Variants in MEGF10 observed in about 807,000 individuals in gnomAD.
MEGF10 encodes multiple epidermal growth factor-like domains protein 10.
In MEGF10, 86 loss-of-function variants were observed where a neutral mutation model predicts 147.5. The ratio of observed to expected loss-of-function variants is 0.58; its 90% confidence interval spans 0.49 to 0.70. The LOEUF (loss-of-function observed/expected upper bound fraction) is 0.70. Among genes scored for constraint, MEGF10 ranks in the 30% least tolerant of loss-of-function variants. MEGF10 has a pLI of 0.00. For synonymous variants in MEGF10, 478 were observed against 525.5 expected (o/e 0.91, Z 1.24); for missense variants, 1,329 against 1,487.3 (o/e 0.89, Z 1.75).
intron 4 of MEGF10, among the ~76,000 whole-genome samples, chr5:127,350,982 T>G (rs1762065050): frequency 6.7e-6 from 1 of 148,660 alleles, no homozygotes; most frequent in South Asian, 2.1e-4. Context: ...GAATGATGGT[T>G]ACCAGAGGAT....
chr5:127,281,073 A>T, the MEGF10 span, among the ~76,000 whole-genome samples: 1 of 152,138 alleles, frequency 6.6e-6, no homozygotes, highest in Non-Finnish European at 1.5e-5. Context: ...CCAGGGCTGA[A>T]GGCATTGACG....
chr5:127,391,087 T>TGCGCGCGCGCGCGCGC (rs139002719), intron 5 of MEGF10, among the ~76,000 whole-genome samples: 16 of 131,898 alleles, frequency 1.2e-4, no homozygotes, highest in Admixed American at 9.0e-4. Context: ...CATACACACA[T>TGCGCGCGCGCGCGCGC]GCGCGCGCGC....
At chr5:127,430,944 C>G (rs143181742) in intron 13 of MEGF10, among the ~76,000 whole-genome samples, 1 of 152,242 alleles carries the variant, frequency 6.6e-6, no homozygotes, top group East Asian at 1.9e-4. Context: ...CTTTGCAATT[C>G]TAAACTAAAA....
chr5:127,385,193 T>C (rs1763385073), intron 5 of MEGF10, among the ~76,000 whole-genome samples: 1 of 152,236 alleles, frequency 6.6e-6, no homozygotes, highest in African/African-American at 2.4e-5. Flanking sequence ...GTCATGGATT[T>C]TCCTATGTTT....
intron 1 of MEGF10, among the ~76,000 whole-genome samples, chr5:127,325,909 A>ATAT (rs1422376660): frequency 9.5e-5 from 10 of 105,050 alleles, no homozygotes; most frequent in African/African-American, 3.0e-4. Context: ...ATATATATAT[A>ATAT]TTTTTTTTTT....
intron 1 of MEGF10, among the ~76,000 whole-genome samples, chr5:127,296,290 A>G (rs1450141154): frequency 6.6e-6 from 1 of 152,218 alleles, no homozygotes; most frequent in Non-Finnish European, 1.5e-5. Flanking sequence ...TGTGAATGTG[A>G]TAATACATCC....
chr5:127,392,016 G>A (rs1763717847), intron 5 of MEGF10, among the ~76,000 whole-genome samples: 1 of 152,032 alleles, frequency 6.6e-6, no homozygotes, highest in South Asian at 2.1e-4. Flanking sequence ...GTAAAATAAA[G>A]AAAAATTATC....
At chr5:127,338,680 G>A (rs959101208) in intron 2 of MEGF10, among the ~76,000 whole-genome samples, 4 of 152,054 alleles carry the variant, frequency 2.6e-5, no homozygotes, top group Admixed American at 2.0e-4. Context: ...TTAAGAATCA[G>A]TAGCAAAATG....
rs747296607 is a variant in MEGF10, at chr5:127,340,606, T to C, written c.295T>C (p.Tyr99His). The change falls in exon 4 of 25, where the codon TAT becomes CAT. Residue 99 changes from tyrosine to histidine, a missense_variant. Around this residue, in one of 3 missense-constraint regions of MEGF10, gnomAD observed 980 missense variants for 1,085.9 expected, o/e 0.90. Transcript: ENST00000503335. ...RRKSQCCPGF[Y>H]ESGEMCVPHC... ...CAAGTCTCAGTGTTGTCCTGGATTT[T>C]ATGAAAGCGGGGAAATGTGTGTCCG... The C allele has an allele frequency of 6.2e-7, 1 of 1,612,818 alleles. No individual in the cohort carries two copies. The highest frequency in any genetic ancestry group is 8.5e-7 in the Non-Finnish European group (1 of 1,179,060).
rs549163023 is a variant in MEGF10 at position 127,392,852 on chromosome 5, A to G, written c.413-3680A>G. 7.2e-4 allele frequency among the ~76,000 whole-genome samples: 110 copies of G among 152,314 alleles called. 1 individual carries two copies. The highest frequency in any genetic ancestry group is 2.5e-3 in the African/African-American group (105 of 41,568). On this transcript the variant is annotated intron_variant, in intron 5 of 24. Coordinates refer to ENST00000503335, the MANE Select transcript of MEGF10 (RefSeq NM_001256545.2). ...CAGTTTAAACTTCCAACTTATTATG[A>G]GAGCTTATTAGAGCAAGCTGTCTGT...
chr5:127,247,437 GAAGAAGAAGAAGAAGAAGAAGAA>G, the MEGF10 span, among the ~76,000 whole-genome samples: 1 of 109,700 alleles, frequency 9.1e-6, no homozygotes, highest in African/African-American at 4.5e-5. Flanking sequence ...AGAAGAAGAA[GAAGAAGAAGAAGAAGAAGAAGAA>G]GAAGAAGAAG....
rs562870209 is a variant in MEGF10, at chr5:127,442,886, A to T, written c.2363-112A>T. The T allele has an allele frequency of 5.2e-6, 6 of 1,154,044 alleles. No homozygotes were observed. In the Admixed American group the frequency reaches 1.3e-4, roughly 26 times the overall value. 71.5% of individuals were successfully genotyped at this position (1,154,044 alleles called of 1,614,324 possible). On this transcript the variant is annotated intron_variant, in intron 18 of 24. Transcript: ENST00000503335. The stretch of plus-strand genomic sequence containing the variant: ...ACTCTTGGGGGTACAAGTCAGCCTC[A>T]ATAGGAATCCCCTGAAAGGACTCAG...
intron 1 of MEGF10, among the ~76,000 whole-genome samples, chr5:127,311,840 C>G (rs1207502388): frequency 6.6e-6 from 1 of 152,078 alleles, no homozygotes; most frequent in African/African-American, 2.4e-5. Context: ...CAGAATGCAA[C>G]GTTAAATTCC....
At chr5:127,257,605 G>A in the MEGF10 span, among the ~76,000 whole-genome samples, 4 of 152,244 alleles carry the variant, frequency 2.6e-5, no homozygotes, top group African/African-American at 9.6e-5. Flanking sequence ...CGTTTATTTT[G>A]CCAAGGGAGA....
At chr5:127,361,928 T>A (rs1186684875) in intron 4 of MEGF10, among the ~76,000 whole-genome samples, 3 of 152,190 alleles carry the variant, frequency 2.0e-5, no homozygotes, top group Non-Finnish European at 4.4e-5. Context: ...GATTGAGATT[T>A]GTTTTATTTC....
chr5:127,416,424 A>C (rs1181839277), intron 9 of MEGF10, among the ~76,000 whole-genome samples: 1 of 152,138 alleles, frequency 6.6e-6, no homozygotes, highest in Non-Finnish European at 1.5e-5. Context: ...AATAGAAGAT[A>C]AGCAGACTTG....
In MEGF10 at chr5:127,443,008, A is replaced by C. The variant is rs207466395; in HGVS notation, c.2373A>C (p.Ser791=). The part of the protein sequence containing the change: ...MGRHCEQKCP[S]GTYGYGCRQI... Reference sequence around the variant, plus strand: ...ACTTTCCTTCTCTAGAGTGCCCTTCAGGAACATATGGCTATGGCTGTCGCC... The same window carrying C: ...ACTTTCCTTCTCTAGAGTGCCCTTCCGGAACATATGGCTATGGCTGTCGCC... Residue 791 remains serine (S), a synonymous_variant, in exon 19 of 25, where the codon TCA becomes TCC. Transcript: ENST00000503335. 1 of 1,612,574 alleles carries C rather than the reference A, an allele frequency of 6.2e-7. No individual in the cohort carries two copies. Among genetic ancestry groups the C allele is most frequent in the Non-Finnish European group, 8.5e-7 (1 of 1,179,086 alleles).
chr5:127,397,558 A>G (rs752639893), intron 6 of MEGF10, among the ~76,000 whole-genome samples: 11 of 152,348 alleles, frequency 7.2e-5, no homozygotes, highest in East Asian at 1.9e-4. Context: ...TCAAAGAACT[A>G]AAACTTGAAA....
intron 1 of MEGF10, among the ~76,000 whole-genome samples, chr5:127,324,943 T>A (rs1180676775): frequency 6.6e-6 from 1 of 152,170 alleles, no homozygotes; most frequent in Non-Finnish European, 1.5e-5. Flanking sequence ...TTTATCCAGG[T>A]GTGATGCTGA....
Sources: allele counts gnomAD v4.1 joint callset (sites outside exome capture counted in the v4.1 genomes callset), GRCh38; gene constraint gnomAD v4.1.1; regional missense constraint gnomAD v4.1.1; transcripts MANE v1.5; gene names NCBI Gene and HGNC (gene_info 2026-07-23, HGNC 2026-07-21).